Variants in PRPF39 observed in about 807,000 individuals in gnomAD.
PRPF39 encodes the protein pre-mRNA processing factor 39, also known as pre-mRNA-processing factor 39.
A neutral mutation model predicts 82.1 loss-of-function variants in PRPF39; 27 were observed. The observed-to-expected ratio is 0.33, with a 90% confidence interval of 0.24 to 0.45. PRPF39 has a LOEUF of 0.45. Among genes scored for constraint, PRPF39 ranks in the 20% least tolerant of loss-of-function variants. PRPF39 has a pLI of 1.00. For missense variants in PRPF39, 581 were observed against 796.9 expected (o/e 0.73, Z 3.26); for synonymous variants, 261 against 256.4 (o/e 1.02, Z -0.17).
intron 4 of PRPF39, among the ~76,000 whole-genome samples, chr14:45,100,242 A>T (rs1466486383): frequency 1.3e-5 from 2 of 152,104 alleles, no homozygotes; most frequent in Admixed American, 6.6e-5. Flanking sequence ...AAACAAACAA[A>T]CAAACAAACA....
intron 5 of PRPF39, among the ~76,000 whole-genome samples, chr14:45,106,121 G>A (rs940252056): frequency 2.0e-5 from 3 of 151,814 alleles, no homozygotes; most frequent in East Asian, 1.9e-4. Flanking sequence ...AGGCTGAGGC[G>A]GGTGGATCAC....
intron 2 of PRPF39, 131 bp downstream of exon 2, chr14:45,095,694 G>A (rs927218916): frequency 8.3e-6 from 10 of 1,209,786 alleles, no homozygotes; most frequent in Non-Finnish European, 1.1e-5. Context: ...ATAACATTAG[G>A]TAGCTACATT....
At position 45,115,562 on chromosome 14, in the gene PRPF39, A is replaced by C. The variant is rs369515959; in HGVS notation, c.*649A>C. 2 of 152,528 alleles carry C rather than the reference A, an allele frequency of 1.3e-5. No homozygotes were observed. Among genetic ancestry groups the C allele is most frequent in the South Asian group, 2.1e-4 (1 of 4,830 alleles). 9.4% of individuals were successfully genotyped at this position (152,528 alleles called of 1,614,324 possible). A position where few individuals can be genotyped will look rare whatever the true frequency, so the allele number is the denominator to read the frequency against. On this transcript the variant is annotated 3_prime_UTR_variant, in exon 14 of 14. Transcript: ENST00000355765. ...ACAAGCTTTCATTTTGATCAAACTG[A>C]TCTTCATTTTTGTAATAAAACGGAA...
rs1034985390 is a variant in PRPF39, at chr14:45,115,234, A to G, written c.*321A>G. 5.6e-6 allele frequency: 1 copy of G among 177,322 alleles called. No individual in the cohort carries two copies. Among genetic ancestry groups the G allele is most frequent in the African/African-American group, 2.4e-5 (1 of 42,216 alleles). The allele number at this position is 177,322 out of a possible 1,614,324, so 11.0% of individuals were successfully genotyped here. On this transcript the variant is annotated 3_prime_UTR_variant, in exon 14 of 14. Transcript: ENST00000355765. The stretch of plus-strand genomic sequence containing the variant: ...GGGTAGGAAGAAAAACCTGACTGCA[A>G]ATCATGTCAGTGTAGTACAAAATTC...
At chr14:45,097,128 A>G in intron 4 of PRPF39, 123 bp downstream of exon 4, 1 of 1,348,318 alleles carries the variant, frequency 7.4e-7, no homozygotes. Flanking sequence ...AAAAAATGAT[A>G]CATGTAATAA....
At chr14:45,100,231 A>AAAACAAAC (rs142365872) in intron 4 of PRPF39, among the ~76,000 whole-genome samples, 1 of 151,718 alleles carries the variant, frequency 6.6e-6, no homozygotes, top group African/African-American at 2.4e-5. Flanking sequence ...CCCTGTCTCA[A>AAAACAAAC]AAACAAACAA....
chr14:45,100,236 A>G lies in PRPF39; in HGVS notation c.570-2293A>G, dbSNP rs994891447. 8.3e-4 allele frequency among the ~76,000 whole-genome samples: 100 copies of G among 121,084 alleles called. 1 individual carries two copies. The highest frequency in any genetic ancestry group is 3.6e-3 in the African/African-American group (97 of 27,290). The allele number at this position is 121,084 out of a possible 152,430, so 79.4% of individuals were successfully genotyped here. A position where few individuals can be genotyped will look rare whatever the true frequency, so the allele number is the denominator to read the frequency against. Reference sequence around the variant, plus strand: ...CAGAGCGAGACCCTGTCTCAAAAACAAACAAACAAACAAACAAACAAACAA... The same window carrying G: ...CAGAGCGAGACCCTGTCTCAAAAACGAACAAACAAACAAACAAACAAACAA... On this transcript the variant is annotated intron_variant, in intron 4 of 13. Transcript: ENST00000355765.
chr14:45,095,996 C>A, intron 2 of PRPF39, 107 bp from the exon 3 acceptor site: 1 of 1,053,822 alleles, frequency 9.5e-7, no homozygotes, highest in Non-Finnish European at 1.3e-6. Flanking sequence ...AGTTTTTAAG[C>A]CTGCCATTTA....
At chr14:45,098,154 C>T (rs1884258336) in intron 4 of PRPF39, among the ~76,000 whole-genome samples, 2 of 152,038 alleles carry the variant, frequency 1.3e-5, no homozygotes, top group South Asian at 4.2e-4. Flanking sequence ...GTGGCTTATA[C>T]CTGTAATCCC....
At chr14:45,098,638 T>C (rs962705559) in intron 4 of PRPF39, among the ~76,000 whole-genome samples, 4 of 152,334 alleles carry the variant, frequency 2.6e-5, no homozygotes, top group Non-Finnish European at 1.5e-5. Context: ...GCTTTAAATA[T>C]AGCTTTCTAT....
At chr14:45,087,713 A>G (rs1386373586) in intron 1 of PRPF39, among the ~76,000 whole-genome samples, 2 of 148,900 alleles carry the variant, frequency 1.3e-5, no homozygotes, top group Non-Finnish European at 3.0e-5. Flanking sequence ...AGCTGGGACT[A>G]CAGGCGCCCG....
intron 3 of PRPF39, chr14:45,096,520 ATT>A: frequency 7.0e-7 from 1 of 1,435,210 alleles, no homozygotes; most frequent in South Asian, 1.2e-5. Context: ...TCTCACTTAC[ATT>A]TATTTCTCAT....
At chr14:45,090,453 T>C (rs1883985676) in intron 1 of PRPF39, among the ~76,000 whole-genome samples, 1 of 152,176 alleles carries the variant, frequency 6.6e-6, no homozygotes, top group Non-Finnish European at 1.5e-5. Flanking sequence ...CCCTTCTACT[T>C]CTCAATACCA....
intron 3 of PRPF39, chr14:45,096,465 G>A: frequency 1.4e-6 from 2 of 1,471,212 alleles, no homozygotes; most frequent in Non-Finnish European, 1.8e-6. Flanking sequence ...TGCAGTGCAA[G>A]CCTCTGTATT....
intron 10 of PRPF39, among the ~76,000 whole-genome samples, 178 bp from the exon 11 acceptor site, chr14:45,112,138 AGT>A (rs1432300274): frequency 1.3e-5 from 2 of 152,146 alleles, no homozygotes; most frequent in East Asian, 3.9e-4. Flanking sequence ...AAAATTCATC[AGT>A]GTGTTAATGA....
chr14:45,108,375 C>T lies in PRPF39; in HGVS notation c.904-40C>T, dbSNP rs1331436072. On this transcript the variant is annotated intron_variant, in intron 6 of 13. Transcript: ENST00000355765. The stretch of plus-strand genomic sequence containing the variant: ...AGTGATATTGAAAATTTTCAGTATA[C>T]AGTTTGTGAGATTTATTTTTTTCCC... 9 of 1,531,606 alleles carry T rather than the reference C, an allele frequency of 5.9e-6. No individual in the cohort carries two copies. The South Asian group carries it at 9.2e-5, about 16-fold the overall frequency. 94.9% of individuals were successfully genotyped at this position (1,531,606 alleles called of 1,614,324 possible).
At chr14:45,099,903 T>C (rs1372952075) in intron 4 of PRPF39, among the ~76,000 whole-genome samples, 1 of 152,206 alleles carries the variant, frequency 6.6e-6, no homozygotes, top group Non-Finnish European at 1.5e-5. Flanking sequence ...TCCTCTCAAA[T>C]TTTTCTGTTT....
In PRPF39 at chr14:45,110,113, A is replaced by G. The variant is rs149834781; in HGVS notation, c.1196A>G (p.Asn399Ser). The G allele has an allele frequency of 2.3e-3, 3,781 of 1,613,438 alleles. 9 individuals are homozygous for G. Among genetic ancestry groups the G allele is most frequent in the Non-Finnish European group, 2.8e-3 (3,355 of 1,179,536 alleles). The change falls in exon 9 of 14, where the codon AAC becomes AGC. Residue 399 changes from asparagine to serine, a missense_variant. Physicochemically the swap from Asn to Ser is conservative, Grantham distance 46. Transcript: ENST00000355765. This position sits in a 1 kb window ranked among gnomAD's most constrained non-coding sequence, Gnocchi z 4.0. ...ATGTAGTATGCCAAGTACATGGAAA[A>G]CCATAGCATTGAAGGAGTGAGGCAT... Reference protein sequence around the residue: ...FWIKYAKYMENHSIEGVRHVF... With the variant: ...FWIKYAKYMESHSIEGVRHVF...
intron 5 of PRPF39, among the ~76,000 whole-genome samples, chr14:45,105,637 C>T (rs1177948512): frequency 6.6e-6 from 1 of 151,412 alleles, no homozygotes; most frequent in Non-Finnish European, 1.5e-5. Context: ...AGTGATTCTC[C>T]TGCCTCAGCC....
Sources: allele counts gnomAD v4.1 joint callset (sites outside exome capture counted in the v4.1 genomes callset), GRCh38; gene constraint gnomAD v4.1.1; non-coding constraint Gnocchi (gnomAD v3.1); transcripts MANE v1.5; gene names NCBI Gene and HGNC (gene_info 2026-07-23, HGNC 2026-07-21).